SACS: variants seen among roughly 807,000 people sequenced by gnomAD.
SACS encodes the protein sacsin.
SACS carries 197 observed loss-of-function variants against 348.0 expected under a neutral mutation model. The ratio of observed to expected loss-of-function variants is 0.57; its 90% CI spans 0.50 to 0.64. SACS has a LOEUF of 0.64. SACS is among the 30% of genes least tolerant of loss of function. The probability of loss-of-function intolerance (pLI) is 0.00; values close to 1 mark genes in which losing one functional copy is unlikely to be tolerated. For missense variants in SACS, 4,999 were observed against 5,360.8 expected, an observed-to-expected ratio of 0.93 and a Z score of 2.11; for synonymous variants, 1,985 against 1,910.6, an observed-to-expected ratio of 1.04 and a Z score of -1.02.
intron 2 of SACS, among the ~76,000 whole-genome samples, chr13:23,381,215 C>T (rs1252037254): frequency 6.6e-6 from 1 of 152,180 alleles, no homozygotes; most frequent in Non-Finnish European, 1.5e-5. Flanking sequence ...CTGAAATCAA[C>T]CCTTTGCTTG....
At chr13:23,374,305 C>T (rs1327835691) in intron 3 of SACS, among the ~76,000 whole-genome samples, 2 of 152,166 alleles carry the variant, frequency 1.3e-5, no homozygotes, top group Admixed American at 6.5e-5. Flanking sequence ...CAGGAAAAAT[C>T]ACAGATACCA....
In SACS at chr13:23,340,322, T is replaced by G; in HGVS notation, c.3554A>C (p.Asp1185Ala). Reference protein sequence around the residue: ...GDLCNLCAPPDMCDVGHAILI... With the variant: ...GDLCNLCAPPAMCDVGHAILI... ...AATTGCATGGCCTACATCACACATA[T>G]CTGGTGGTGCACAGAGATTACAGAG... The change falls in exon 10 of 10, where the codon GAT (aspartate) becomes GCT (alanine). Residue 1185 changes from aspartate (D) to alanine (A), a missense_variant. This residue lies in a region of SACS where 3,156 missense variants were observed against 3,380.1 expected (regional missense o/e 0.93). Coordinates refer to ENST00000382292, the MANE Select transcript of SACS (RefSeq NM_014363.6). The G allele has an allele frequency of 6.2e-7, 1 of 1,614,008 alleles. No individual in the cohort carries two copies. The highest frequency in any genetic ancestry group is 8.5e-7 in the Non-Finnish European group (1 of 1,179,962).
Position 23,334,882 on chromosome 13 carries a change from A to G in SACS, c.8994T>C (p.Ala2998=). The G allele has an allele frequency of 6.2e-7, 1 of 1,613,888 alleles. No homozygotes were observed. Among genetic ancestry groups the G allele is most frequent in the South Asian group, 1.1e-5 (1 of 91,084 alleles). ...DMKRLLPVVR[A]PNIDGSDLHS... is the part of the protein sequence containing the mutation. ...GCAAGTCAGAGCCATCAATATTTGG[A>G]GCCCGCACAACAGGTAAAAGACGTT... Residue 2998 remains alanine (A), a synonymous_variant, in exon 10 of 10, where the codon GCT becomes GCC. Transcript: ENST00000382292.
chr13:23,415,559 C>T (rs1315720049), intron 1 of SACS, among the ~76,000 whole-genome samples: 1 of 152,304 alleles, frequency 6.6e-6, no homozygotes, highest in East Asian at 1.9e-4. Flanking sequence ...TTACCCAGAT[C>T]ATTCTTTTCT....
chr13:23,406,023 G>A (rs187992107), intron 2 of SACS, among the ~76,000 whole-genome samples: 149 of 152,174 alleles, frequency 9.8e-4, no homozygotes, highest in Admixed American at 1.8e-3. Context: ...CAGCAATCCC[G>A]TTACTGGGTA....
At position 23,341,312 on chromosome 13, in the gene SACS, A is replaced by C. The variant is rs142037771; in HGVS notation, c.2564T>G (p.Leu855Ter). The C allele has an allele frequency of 6.2e-7, 1 of 1,606,986 alleles. No homozygotes were observed. Among genetic ancestry groups the C allele is most frequent in the South Asian group, 1.1e-5 (1 of 89,738 alleles). ...QKLGGFVLKK[L>*]DASIQHPLIK... Reference sequence around the variant, plus strand: ...AAGCGGATGTTGTATAGATGCATCTAATTTTTTAAGGACAAACCCTCCAAG... The same window carrying C: ...AAGCGGATGTTGTATAGATGCATCTCATTTTTTAAGGACAAACCCTCCAAG... The change falls in exon 10 of 10, where the codon TTA (leucine) becomes TGA (stop). Residue 855 changes from leucine (L) to a stop codon, truncating the protein, a stop_gained. Coordinates refer to ENST00000382292, the MANE Select transcript of SACS (RefSeq NM_014363.6). LOFTEE classifies it high-confidence loss of function.
intron 2 of SACS, among the ~76,000 whole-genome samples, chr13:23,378,636 T>C (rs1453062993): frequency 6.6e-6 from 1 of 152,180 alleles, no homozygotes; most frequent in Non-Finnish European, 1.5e-5. Context: ...AGACAGGGTT[T>C]CGCCATGTTG....
At position 23,336,827 on chromosome 13, in the gene SACS, T is replaced by C. The variant is rs141091294; in HGVS notation, c.7049A>G (p.Glu2350Gly). 72 of 1,613,798 alleles carry C rather than the reference T, an allele frequency of 4.5e-5. No homozygotes were observed. In the African/African-American group the frequency reaches 8.1e-4, roughly 18 times the overall value. The change falls in exon 10 of 10, where the codon GAG becomes GGG. Residue 2350 changes from glutamate (E) to glycine (G), a missense_variant. By Grantham distance (98) the Glu-to-Gly change is moderately conservative. Transcript: ENST00000382292. ...KLKPFSFILV[E>G]NAYVDSEKVS... ...CTTTTCTGAGTCAACATATGCATTC[T>C]CAACTAGAATGAAGCTAAAGGGTTT...
In SACS at chr13:23,412,407, CTTTTTTTTTTT is replaced by C. The variant is rs372385214; in HGVS notation, c.-501-678_-501-668del. Among the ~76,000 whole-genome samples the C allele has an allele frequency of 3.3e-5, 4 of 120,506 alleles. No individual in the cohort carries two copies. The South Asian group carries it at 1.2e-3, about 35-fold the overall frequency. 79.1% of individuals were successfully genotyped at this position (120,506 alleles called of 152,430 possible). On this transcript the variant is annotated intron_variant, in intron 1 of 9. Transcript: ENST00000382292. ...GAACGACACCCTTTAAATCCAAACC[CTTTTTTTTTTT>C]TTTTTTTTTCTCTGAGACAGAGCCT... is the stretch of plus-strand genomic sequence containing the variant.
intron 5 of SACS, among the ~76,000 whole-genome samples, chr13:23,365,892 TG>T (rs1158656671): frequency 1.3e-5 from 2 of 152,144 alleles, no homozygotes; most frequent in Middle Eastern, 3.2e-3. Context: ...TGGTGAATGG[TG>T]GGTGAGTGGA....
In SACS at chr13:23,336,652, A is replaced by C; in HGVS notation, c.7224T>G (p.Asp2408Glu). Reference protein sequence around the residue: ...EDFALVLESIDQERGTKQITE... With the variant: ...EDFALVLESIEQERGTKQITE... ...TTATTTGCTTTGTTCCTCTTTCTTG[A>C]TCAATAGATTCCAAAACAAGAGCAA... The change falls in exon 10 of 10, where the codon GAT becomes GAG. Residue 2408 changes from aspartate to glutamate, a missense_variant. By Grantham distance (45) the Asp-to-Glu change is conservative. This residue lies in a region of SACS where 3,156 missense variants were observed against 3,380.1 expected (regional missense o/e 0.93). Coordinates refer to ENST00000382292, the MANE Select transcript of SACS (RefSeq NM_014363.6). 1 of 1,613,774 alleles carries C rather than the reference A, an allele frequency of 6.2e-7. No homozygotes were observed. Among genetic ancestry groups the C allele is most frequent in the Non-Finnish European group, 8.5e-7 (1 of 1,179,892 alleles).
intron 2 of SACS, among the ~76,000 whole-genome samples, chr13:23,404,644 C>T (rs111596074): frequency 6.6e-6 from 1 of 152,128 alleles, no homozygotes; most frequent in Non-Finnish European, 1.5e-5. Flanking sequence ...TCACTATTTG[C>T]AGATGACATG....
rs147667035 is a variant in SACS, at chr13:23,403,679, C to G, written c.20+7541G>C. ...CTGGCTAGCGATCTATTTTGTTAAT[C>G]TTTTCAAAAAAACAGGTCCTGGATT... On this transcript the variant is annotated intron_variant, in intron 2 of 9. Transcript: ENST00000382292. 6.6e-3 allele frequency among the ~76,000 whole-genome samples: 1,005 copies of G among 152,132 alleles called. 8 individuals carry two copies. Among genetic ancestry groups the G allele is most frequent in the Non-Finnish European group, 9.8e-3 (669 of 67,988 alleles).
At chr13:23,367,959 AT>A (rs1566087575) in intron 5 of SACS, among the ~76,000 whole-genome samples, 1 of 152,216 alleles carries the variant, frequency 6.6e-6, no homozygotes. Context: ...AAATAAAATA[AT>A]TATCCTATTA....
In SACS at chr13:23,354,539, A is replaced by T; in HGVS notation, c.2073T>A (p.Ile691=). 6.2e-7 allele frequency: 1 copy of T among 1,614,114 alleles called. No individual in the cohort carries two copies. The highest frequency in any genetic ancestry group is 8.5e-7 in the Non-Finnish European group (1 of 1,179,950). ...SSVSDQDVIY[I]TSAEYPRSLF... is the part of the protein sequence containing the mutation. ...CCTACCTTGGATATTCTGCTGAGGT[A>T]ATATAAATGACATCTTGGTCTGATA... is the stretch of plus-strand genomic sequence containing the variant. The change falls in exon 8 of 10, where the codon ATT becomes ATA. Residue 691 remains isoleucine, a synonymous_variant. Transcript: ENST00000382292.
intron 1 of SACS, among the ~76,000 whole-genome samples, chr13:23,414,959 G>GTCC (rs1196236895): frequency 3.3e-5 from 5 of 152,148 alleles, no homozygotes; most frequent in Non-Finnish European, 5.9e-5. Context: ...AGATCACTGT[G>GTCC]TCCTCATCTC....
chr13:23,374,843 TA>T (rs1046174774), intron 3 of SACS, among the ~76,000 whole-genome samples: 4 of 146,638 alleles, frequency 2.7e-5, no homozygotes, highest in East Asian at 2.0e-4. Context: ...TGATGATGTC[TA>T]AAAAAAAAAC....
At chr13:23,418,330 T>G (rs1227035202) in intron 1 of SACS, among the ~76,000 whole-genome samples, 1 of 152,180 alleles carries the variant, frequency 6.6e-6, no homozygotes, top group African/African-American at 2.4e-5. Context: ...TGTAATGAAA[T>G]AGTAATATAC....
chr13:23,369,312 G>A (rs1229002378), intron 4 of SACS, among the ~76,000 whole-genome samples: 3 of 152,084 alleles, frequency 2.0e-5, no homozygotes, highest in African/African-American at 7.2e-5. Flanking sequence ...GATATTCTTA[G>A]ACCAACTGAC....
Sources: gnomAD v4.1 joint callset for allele counts (sites outside exome capture counted in the v4.1 genomes callset) on GRCh38, gnomAD v4.1.1 for gene constraint, gnomAD v4.1.1 regional missense constraint, MANE v1.5 for transcripts, NCBI Gene and HGNC (gene_info 2026-07-23, HGNC 2026-07-21) for gene names.